The following MUSK variants were observed in gnomAD, a reference collection of about 807,000 sequenced individuals.
The protein encoded by MUSK is muscle associated receptor tyrosine kinase.
A neutral mutation model predicts 88.7 loss-of-function variants in MUSK; 55 were observed. The observed-to-expected ratio is 0.62, with a 90% CI of 0.50 to 0.78. The LOEUF (loss-of-function observed/expected upper bound fraction) is 0.78. Ranked by LOEUF, MUSK falls within the 30% of genes least tolerant of loss-of-function variation. MUSK has a pLI of 0.00. For missense variants in MUSK, 1,015 were observed against 1,074.3 expected, an observed-to-expected ratio of 0.94 and a Z score of 0.77; for synonymous variants, 387 against 391.9, an observed-to-expected ratio of 0.99 and a Z score of 0.15.
intron 14 of MUSK, among the ~76,000 whole-genome samples, chr9:110,799,047 A>G (rs2078053952): frequency 6.6e-6 from 1 of 152,190 alleles, no homozygotes; most frequent in African/African-American, 2.4e-5. Context: ...AGTCCCTGTT[A>G]ACTAAAGATT....
chr9:110,688,164 T>C (rs928212941), intron 3 of MUSK, among the ~76,000 whole-genome samples: 1 of 152,118 alleles, frequency 6.6e-6, no homozygotes, highest in Non-Finnish European at 1.5e-5. Context: ...TCTCTAACTG[T>C]ATTCATCATG....
At chr9:110,764,607 A>AT (rs1267641131) in intron 8 of MUSK, among the ~76,000 whole-genome samples, 1 of 71,388 alleles carries the variant, frequency 1.4e-5, no homozygotes, top group African/African-American at 4.3e-5. Context: ...GATAGATTAG[A>AT]TAGATAGATA....
At position 110,671,271 on chromosome 9, in the gene MUSK, T is replaced by C. The variant is rs1287777412; in HGVS notation, c.79+2288T>C. On this transcript the variant is annotated intron_variant, in intron 1 of 14. Transcript: ENST00000374448. ...AGGCATGAGCCACTGCGCCAGCCAT[T>C]ATACTACTGAAACTAATAAAAATGG... Among the ~76,000 whole-genome samples the C allele has an allele frequency of 3.3e-5, 5 of 152,252 alleles. No individual in the cohort carries two copies. The East Asian group carries it at 7.7e-4, about 23-fold the overall frequency.
rs146124528 is a variant in MUSK at position 110,802,473 on chromosome 9, T to G, written c.*1485T>G. The stretch of plus-strand genomic sequence containing the variant: ...GAGGAATGGTGTGAATTCTTGAAAG[T>G]AGATTTTCGCTGTCTGCTGGAAAAC... On this transcript the variant is annotated 3_prime_UTR_variant, in exon 15 of 15. Coordinates refer to ENST00000374448, the MANE Select transcript of MUSK (RefSeq NM_005592.4). Among the ~76,000 whole-genome samples, 21 of 152,314 alleles carry G rather than the reference T, an allele frequency of 1.4e-4. No homozygotes were observed. The highest frequency in any genetic ancestry group is 4.1e-4 in the African/African-American group (17 of 41,580).
intron 3 of MUSK, among the ~76,000 whole-genome samples, chr9:110,692,149 G>T (rs527627254): frequency 1.3e-5 from 2 of 151,302 alleles, no homozygotes; most frequent in African/African-American, 2.4e-5. Context: ...TGTTTGGTTG[G>T]TTGGTTTTTG....
chr9:110,774,271 A>G (rs567217490), intron 9 of MUSK, among the ~76,000 whole-genome samples: 13 of 152,168 alleles, frequency 8.5e-5, no homozygotes, highest in African/African-American at 3.1e-4. Context: ...TTCAATGAAG[A>G]TTGTTAAGTG....
chr9:110,749,258 T>C (rs1256595035), intron 7 of MUSK, among the ~76,000 whole-genome samples: 3 of 152,160 alleles, frequency 2.0e-5, no homozygotes, highest in Non-Finnish European at 4.4e-5. Flanking sequence ...CAGTCACGTA[T>C]ATTATGGCAC....
Position 110,785,693 on chromosome 9 carries a change from G to A in MUSK, c.1753G>A (p.Ala585Thr), listed in dbSNP as rs779231840. 4 of 1,606,404 alleles carry A rather than the reference G, an allele frequency of 2.5e-6. No homozygotes were observed. The Admixed American group carries it at 5.0e-5, about 20-fold the overall frequency. ...ATATGTGAGAGACATCGGAGAGGGA[G>A]CGTTTGGAAGGGTGTTTCAAGCAAG... The part of the protein sequence containing the change: ...IEYVRDIGEG[A>T]FGRVFQARAP... The change falls in exon 13 of 15, where the codon GCG becomes ACG. Residue 585 changes from alanine (A) to threonine (T), a missense_variant. Transcript: ENST00000374448.
rs1462816977 is a variant in MUSK, at chr9:110,681,056, A to T, written c.80-1618A>T. Among the ~76,000 whole-genome samples the T allele has an allele frequency of 1.6e-4, 4 of 25,366 alleles. 1 individual carries two copies. Among genetic ancestry groups the T allele is most frequent in the African/African-American group, 1.1e-3 (4 of 3,548 alleles). The allele number at this position is 25,366 out of a possible 152,430, so 16.6% of individuals were successfully genotyped here. A position where few individuals can be genotyped will look rare whatever the true frequency, so the allele number is the denominator to read the frequency against. Reference sequence around the variant, plus strand: ...ATATATTATATAATATATATTATATATTATATATATAATATTATATATATT... The same window carrying T: ...ATATATTATATAATATATATTATATTTTATATATATAATATTATATATATT... On this transcript the variant is annotated intron_variant, in intron 1 of 14. Transcript: ENST00000374448.
intron 1 of MUSK, among the ~76,000 whole-genome samples, 200 bp downstream of exon 1, chr9:110,669,183 G>T (rs1440859485): frequency 6.6e-6 from 1 of 152,154 alleles, no homozygotes; most frequent in Non-Finnish European, 1.5e-5. Context: ...TTACTCCGAA[G>T]TTCTGCAATA....
intron 5 of MUSK, among the ~76,000 whole-genome samples, chr9:110,714,338 G>A (rs548795485): frequency 6.6e-6 from 1 of 152,072 alleles, no homozygotes; most frequent in Non-Finnish European, 1.5e-5. Flanking sequence ...TGAGAAAAAC[G>A]TTACCATCTC....
intron 11 of MUSK, among the ~76,000 whole-genome samples, chr9:110,782,969 G>T (rs891660965): frequency 6.6e-6 from 1 of 152,186 alleles, no homozygotes; most frequent in African/African-American, 2.4e-5. Context: ...CACTTGCTTA[G>T]CCATTGGTAC....
intron 3 of MUSK, among the ~76,000 whole-genome samples, chr9:110,693,220 G>T (rs1199333846): frequency 6.6e-6 from 1 of 151,938 alleles, no homozygotes; most frequent in Non-Finnish European, 1.5e-5. Flanking sequence ...ATTCTCTCTG[G>T]CCCAATTGTT....
chr9:110,775,606 C>T (rs2077655010), intron 9 of MUSK, 182 bp from the exon 10 acceptor site: 1 of 624,624 alleles, frequency 1.6e-6, no homozygotes, highest in Non-Finnish European at 2.9e-6. Context: ...TCTCACGGGA[C>T]AGTACACTAG....
intron 11 of MUSK, among the ~76,000 whole-genome samples, chr9:110,781,493 G>A (rs1364203469): frequency 2.6e-5 from 4 of 152,282 alleles, no homozygotes; most frequent in South Asian, 2.1e-4. Flanking sequence ...AGCCAGGATG[G>A]TCTCGATCTC....
At chr9:110,797,162 C>CAAAAA (rs34924295) in intron 14 of MUSK, among the ~76,000 whole-genome samples, 1 of 16,816 alleles carries the variant, frequency 5.9e-5, no homozygotes, top group African/African-American at 2.2e-4. Context: ...CATGAATACC[C>CAAAAA]AAAAAAAAAA....
At chr9:110,689,906 C>T (rs1375869762) in intron 3 of MUSK, among the ~76,000 whole-genome samples, 3 of 63,556 alleles carry the variant, frequency 4.7e-5, no homozygotes, top group Non-Finnish European at 8.5e-5. Flanking sequence ...TATAAATATA[C>T]ATAAAAATAC....
At chr9:110,671,996 G>C (rs924058414) in intron 1 of MUSK, among the ~76,000 whole-genome samples, 2 of 152,130 alleles carry the variant, frequency 1.3e-5, no homozygotes, top group Non-Finnish European at 2.9e-5. Flanking sequence ...ATGTATATAA[G>C]GATAGGATTC....
intron 6 of MUSK, among the ~76,000 whole-genome samples, chr9:110,744,903 C>A (rs888920199): frequency 2.0e-5 from 3 of 152,192 alleles, no homozygotes; most frequent in African/African-American, 4.8e-5. Context: ...TCTGGACCCA[C>A]CCCTTTGATC....
Sources: gnomAD v4.1 joint callset for allele counts (sites outside exome capture counted in the v4.1 genomes callset) on GRCh38, gnomAD v4.1.1 for gene constraint, MANE v1.5 for transcripts, NCBI Gene and HGNC (gene_info 2026-07-23, HGNC 2026-07-21) for gene names.